Variants in ZNF257 observed in about 807,000 individuals in gnomAD.
The protein encoded by ZNF257 is bone marrow zinc finger 4.
ZNF257 carries 12 observed loss-of-function variants against 11.9 expected under a neutral mutation model. The observed-to-expected ratio is 1.01, with a 90% CI of 0.65 to 1.63. ZNF257 has a LOEUF of 1.63. ZNF257 is among the 40% of genes most tolerant of loss of function. The pLI is 0.00. For missense variants in ZNF257, 580 were observed against 665.5 expected, an observed-to-expected ratio of 0.87 and a Z score of 1.41; for synonymous variants, 183 against 222.7, an observed-to-expected ratio of 0.82 and a Z score of 1.59.
chr19:22,052,510 TG>T lies in ZNF257; in HGVS notation c.-122del. ...CTTTGTCTCTCGCTCTAGCCCGAGC[TG>T]CAGGTCTCGTCTTCCCTGGTCTGTG... On this transcript the variant is annotated 5_prime_UTR_variant, in exon 1 of 4. Transcript: ENST00000594947. 1.7e-6 allele frequency: 2 copies of T among 1,177,110 alleles called. No homozygotes were observed. Among genetic ancestry groups the T allele is most frequent in the Non-Finnish European group, 2.5e-6 (2 of 807,960 alleles). The allele number at this position is 1,177,110 out of a possible 1,614,324, so 72.9% of individuals were successfully genotyped here. A position where few individuals can be genotyped will look rare whatever the true frequency, so the allele number is the denominator to read the frequency against.
At chr19:22,057,514 T>C (rs1031627609) in intron 1 of ZNF257, among the ~76,000 whole-genome samples, 1 of 152,142 alleles carries the variant, frequency 6.6e-6, no homozygotes, top group African/African-American at 2.4e-5. Flanking sequence ...AGAAGGGGTC[T>C]CAGAAGGTCT....
chr19:22,064,382 A>C (rs2021887177), intron 1 of ZNF257: 2 of 152,212 alleles, frequency 1.3e-5, no homozygotes, highest in Non-Finnish European at 2.9e-5. Flanking sequence ...ATTAGCTAGG[A>C]CTTCAGATTC....
intron 1 of ZNF257, among the ~76,000 whole-genome samples, chr19:22,062,175 C>A (rs2021814177): frequency 6.7e-6 from 1 of 148,420 alleles, no homozygotes; most frequent in Admixed American, 6.7e-5. Context: ...ATTCTCCTGA[C>A]TCAGCCTCCT....
At chr19:22,054,726 A>G (rs919232498) in intron 1 of ZNF257, among the ~76,000 whole-genome samples, 4 of 152,106 alleles carry the variant, frequency 2.6e-5, no homozygotes, top group Admixed American at 2.0e-4. Flanking sequence ...TTTATCTTGT[A>G]TAGGCACAGA....
intron 1 of ZNF257, among the ~76,000 whole-genome samples, chr19:22,068,156 CTTTTTT>C (rs758701719): frequency 4.1e-5 from 5 of 121,240 alleles, no homozygotes; most frequent in Non-Finnish European, 3.4e-5. Context: ...CTCTGTCCCT[CTTTTTT>C]TTTTTTTTTT....
chr19:22,084,883 C>T (rs1405079781), intron 3 of ZNF257, among the ~76,000 whole-genome samples: 1 of 151,834 alleles, frequency 6.6e-6, no homozygotes, highest in African/African-American at 2.4e-5. Context: ...GCGCATGCCA[C>T]CAGGCCCAGT....
chr19:22,088,960 G>A lies in ZNF257; in HGVS notation c.1210G>A (p.Glu404Lys). The A allele has an allele frequency of 1.9e-6, 3 of 1,610,738 alleles. No individual in the cohort carries two copies. Among genetic ancestry groups the A allele is most frequent in the Non-Finnish European group, 2.5e-6 (3 of 1,179,198 alleles). Reference protein sequence around the residue: ...HTREKAYKCDEYCKAFNWSSA... With the variant: ...HTREKAYKCDKYCKAFNWSSA... ...TAGAGAGAAGGCCTACAAATGTGAT[G>A]AATATTGCAAAGCTTTTAACTGGTC... The change falls in exon 4 of 4, where the codon GAA becomes AAA. Residue 404 changes from glutamate (E) to lysine (K), a missense_variant. Coordinates refer to ENST00000594947, the MANE Select transcript of ZNF257 (RefSeq NM_033468.4).
At chr19:22,079,869 T>A (rs1245136405) in intron 3 of ZNF257, among the ~76,000 whole-genome samples, 1 of 148,734 alleles carries the variant, frequency 6.7e-6, no homozygotes, top group Non-Finnish European at 1.5e-5. Context: ...GTTGAAGAAT[T>A]TTATATATTT....
At chr19:22,083,719 C>T (rs2145716055) in intron 3 of ZNF257, among the ~76,000 whole-genome samples, 1 of 152,214 alleles carries the variant, frequency 6.6e-6, no homozygotes, top group South Asian at 2.1e-4. Context: ...GTTTTCTCTT[C>T]CTAGTGGTGT....
chr19:22,065,352 A>G (rs2021916206), intron 1 of ZNF257, among the ~76,000 whole-genome samples: 1 of 151,986 alleles, frequency 6.6e-6, no homozygotes, highest in Non-Finnish European at 1.5e-5. Context: ...AGCACCCACC[A>G]CCATGCACAG....
In ZNF257 at chr19:22,073,532, T is replaced by G; in HGVS notation, c.194T>G (p.Met65Arg). Residue 65 changes from methionine (M) to arginine (R), a missense_variant, in exon 3 of 4, where the codon ATG (methionine) becomes AGG (arginine). Transcript: ENST00000594947. Reference sequence around the variant, plus strand: ...GAGCAAGGAAAAGAGCCCTGTAATATGAAGAGACATGAGATGGTAGCCAAA... The same window carrying G: ...GAGCAAGGAAAAGAGCCCTGTAATAGGAAGAGACATGAGATGGTAGCCAAA... ...CLEQGKEPCNMKRHEMVAKPP... is the reference protein window; with the variant it reads ...CLEQGKEPCNRKRHEMVAKPP... 6.2e-7 allele frequency: 1 copy of G among 1,612,124 alleles called. No individual in the cohort carries two copies. The highest frequency in any genetic ancestry group is 8.5e-7 in the Non-Finnish European group (1 of 1,179,136).
chr19:22,077,304 G>A (rs906218324), intron 3 of ZNF257, among the ~76,000 whole-genome samples: 2 of 152,032 alleles, frequency 1.3e-5, no homozygotes, highest in Non-Finnish European at 2.9e-5. Context: ...GGGTGACAGA[G>A]TAAGATCCTG....
chr19:22,074,092 G>C (rs1053375542), intron 3 of ZNF257, among the ~76,000 whole-genome samples: 4 of 150,300 alleles, frequency 2.7e-5, no homozygotes, highest in African/African-American at 9.8e-5. Context: ...AGATTGCTTT[G>C]GCTATTCAAA....
rs767865942 is a variant in ZNF257 at position 22,089,191 on chromosome 19, C to T, written c.1441C>T (p.His481Tyr). 4 of 1,613,648 alleles carry T rather than the reference C, an allele frequency of 2.5e-6. No homozygotes were observed. In the African/African-American group the frequency reaches 4.0e-5, roughly 16 times the overall value. Residue 481 changes from histidine (H) to tyrosine (Y), a missense_variant, in exon 4 of 4, where the codon CAT (histidine) becomes TAT (tyrosine). His to Tyr is a moderately conservative substitution (Grantham distance 83, BLOSUM62 2). Coordinates refer to ENST00000594947, the MANE Select transcript of ZNF257 (RefSeq NM_033468.4). ...SSHLTQHKII[H>Y]TGEKPYKCEE... ...ACACCTTACTCAACATAAAATAATT[C>T]ATACTGGGGAGAAGCCCTACAAATG... is the stretch of plus-strand genomic sequence containing the variant.
chr19:22,052,920 G>T (rs967655725), intron 1 of ZNF257, among the ~76,000 whole-genome samples: 2 of 152,196 alleles, frequency 1.3e-5, no homozygotes, highest in African/African-American at 4.8e-5. Context: ...CCCAGGTTGT[G>T]CAGGGACCAC....
rs1323007791 is a variant in ZNF257, at chr19:22,052,582, G to A, written c.-51G>A. On this transcript the variant is annotated 5_prime_UTR_variant, in exon 1 of 4. Coordinates refer to ENST00000594947, the MANE Select transcript of ZNF257 (RefSeq NM_033468.4). ...AGCCTCTGTGGCCCTGTGACCTGCA[G>A]GTATTGGGAGATCCCCAGCTAAGAC... 1 of 1,599,506 alleles carries A rather than the reference G, an allele frequency of 6.3e-7. No homozygotes were observed. Among genetic ancestry groups the A allele is most frequent in the African/African-American group, 1.3e-5 (1 of 74,528 alleles).
intron 1 of ZNF257, among the ~76,000 whole-genome samples, chr19:22,062,601 GC>G (rs941275126): frequency 2.0e-5 from 3 of 151,664 alleles, no homozygotes; most frequent in African/African-American, 7.3e-5. Context: ...TCCTGCCTCA[GC>G]CTTTCAAGTA....
Position 22,088,574 on chromosome 19 carries a change from A to T in ZNF257, c.824A>T (p.His275Leu), listed in dbSNP as rs754840112. The change falls in exon 4 of 4, where the codon CAT becomes CTT. Residue 275 changes from histidine to leucine, a missense_variant. Physicochemically the swap from His to Leu is moderately conservative, Grantham distance 99. Coordinates refer to ENST00000594947, the MANE Select transcript of ZNF257 (RefSeq NM_033468.4). Reference sequence around the variant, plus strand: ...AACCGGTCTTCACACATTACTCAACATAAGAGAATTCATAATAGAGAGAAG... The same window carrying T: ...AACCGGTCTTCACACATTACTCAACTTAAGAGAATTCATAATAGAGAGAAG... ...AFNRSSHITQ[H>L]KRIHNREKPF... 1 of 1,613,636 alleles carries T rather than the reference A, an allele frequency of 6.2e-7. No individual in the cohort carries two copies. Among genetic ancestry groups the T allele is most frequent in the Admixed American group, 1.7e-5 (1 of 59,966 alleles).
chr19:22,084,243 T>C (rs1357559513), intron 3 of ZNF257, among the ~76,000 whole-genome samples: 3 of 152,172 alleles, frequency 2.0e-5, no homozygotes, highest in Non-Finnish European at 4.4e-5. Flanking sequence ...TTTTTAACTA[T>C]TGGCTTTCCG....
Sources: allele counts gnomAD v4.1 joint callset (sites outside exome capture counted in the v4.1 genomes callset), GRCh38; gene constraint gnomAD v4.1.1; transcripts MANE v1.5; gene names NCBI Gene and HGNC (gene_info 2026-07-23, HGNC 2026-07-21).